Variants in PBX1 observed in about 807,000 individuals in gnomAD.
The protein encoded by PBX1 is PBX homeobox 1.
Under a neutral mutation model 53.4 loss-of-function variants are expected in PBX1, and 6 were observed. That is an observed-to-expected ratio of 0.11 (90% CI 0.06 to 0.22). PBX1 has a LOEUF of 0.22. Among genes scored for constraint, PBX1 ranks in the 10% least tolerant of loss-of-function variants. The probability of loss-of-function intolerance (pLI) is 1.00; values close to 1 mark genes in which losing one functional copy is unlikely to be tolerated. For missense variants in PBX1, 251 were observed against 551.4 expected (o/e 0.46, Z 5.46); for synonymous variants, 204 against 212.3 (o/e 0.96, Z 0.34).
intron 2 of PBX1, among the ~76,000 whole-genome samples, chr1:164,609,158 CT>C (rs927559725): frequency 6.6e-6 from 1 of 151,008 alleles, no homozygotes; most frequent in African/African-American, 2.4e-5. Context: ...CTTTTCTTTT[CT>C]TTTTTTTTAA....
chr1:164,642,283 G>A (rs1266039432), intron 2 of PBX1: 2 of 152,200 alleles, frequency 1.3e-5, no homozygotes, highest in African/African-American at 4.8e-5. Context: ...GTCCCAGCAA[G>A]TAGAAGTGTC....
At chr1:164,609,616 A>G (rs1440525754) in intron 2 of PBX1, among the ~76,000 whole-genome samples, 1 of 152,008 alleles carries the variant, frequency 6.6e-6, no homozygotes, top group Non-Finnish European at 1.5e-5. Context: ...GGCTTCTTCT[A>G]GAGTACTAGG....
intron 8 of PBX1, chr1:164,829,403 A>G (rs1398992920): frequency 6.6e-6 from 1 of 152,210 alleles, no homozygotes; most frequent in Admixed American, 6.5e-5. Context: ...TCCCAATATA[A>G]CTTTTTGCAT....
chr1:164,727,296 T>C (rs1234793120), intron 2 of PBX1, among the ~76,000 whole-genome samples: 6 of 152,228 alleles, frequency 3.9e-5, no homozygotes, highest in Non-Finnish European at 8.8e-5. Context: ...TTTTTGATTG[T>C]AAGATTCTAG....
Position 164,848,416 on chromosome 1 carries a change from T to C in PBX1, c.*1740T>C, listed in dbSNP as rs1671672106. On this transcript the variant is annotated 3_prime_UTR_variant, in exon 9 of 9. Transcript: ENST00000420696. ...AGAGTCTTGTGAGAGACTGAGAAGT[T>C]GATTTTGTTCATATCCAATCTGTAA... 9.5e-7 allele frequency: 1 copy of C among 1,055,686 alleles called. No individual in the cohort carries two copies. Among genetic ancestry groups the C allele is most frequent in the Admixed American group, 5.4e-5 (1 of 18,384 alleles). The allele number at this position is 1,055,686 out of a possible 1,614,324, so 65.4% of individuals were successfully genotyped here. A position where few individuals can be genotyped will look rare whatever the true frequency, so the allele number is the denominator to read the frequency against.
intron 3 of PBX1, among the ~76,000 whole-genome samples, chr1:164,794,589 C>T (rs1398121708): frequency 6.6e-6 from 1 of 152,162 alleles, no homozygotes; most frequent in Non-Finnish European, 1.5e-5. Context: ...TCCCCAGATC[C>T]CAGGCAATGC....
chr1:164,652,846 G>A (rs758599351), intron 2 of PBX1, among the ~76,000 whole-genome samples: 130 of 150,322 alleles, frequency 8.6e-4, no homozygotes, highest in Non-Finnish European at 1.4e-3. Context: ...CACCCCCACC[G>A]CCATAGTTTA....
intron 2 of PBX1, among the ~76,000 whole-genome samples, chr1:164,673,704 T>C (rs1661250717): frequency 6.6e-6 from 1 of 152,082 alleles, no homozygotes; most frequent in African/African-American, 2.4e-5. Flanking sequence ...ATTTTGACTT[T>C]GTAAATTCAG....
At chr1:164,820,939 G>T (rs761563984) in intron 7 of PBX1, among the ~76,000 whole-genome samples, 2 of 152,168 alleles carry the variant, frequency 1.3e-5, no homozygotes, top group Non-Finnish European at 2.9e-5. Context: ...AGCATTACAA[G>T]CCCGGAACAG....
chr1:164,735,749 G>A (rs1268740298), intron 2 of PBX1, among the ~76,000 whole-genome samples: 1 of 152,140 alleles, frequency 6.6e-6, no homozygotes, highest in Non-Finnish European at 1.5e-5. Context: ...ACATTCCGGG[G>A]TATCCTTCAA....
At chr1:164,767,289 G>A (rs1027197782) in intron 2 of PBX1, among the ~76,000 whole-genome samples, 5 of 152,132 alleles carry the variant, frequency 3.3e-5, no homozygotes, top group South Asian at 2.1e-4. Context: ...TCAAGATGGC[G>A]TCATCAGAGC....
intron 5 of PBX1, among the ~76,000 whole-genome samples, chr1:164,809,250 A>G (rs915317320): frequency 7.2e-5 from 11 of 152,160 alleles, no homozygotes; most frequent in Non-Finnish European, 1.5e-4. Context: ...GTATAGCTGG[A>G]TACAAGTTAA....
intron 2 of PBX1, among the ~76,000 whole-genome samples, chr1:164,644,402 A>G (rs1659328611): frequency 6.6e-6 from 1 of 152,176 alleles, no homozygotes; most frequent in Non-Finnish European, 1.5e-5. Flanking sequence ...AGCAGTCTAT[A>G]TTAGGAGGTG....
At chr1:164,647,863 G>A (rs1659555378) in intron 2 of PBX1, among the ~76,000 whole-genome samples, 2 of 150,790 alleles carry the variant, frequency 1.3e-5, no homozygotes, top group Admixed American at 1.3e-4. Context: ...CGCCCAGGCT[G>A]GAGTGCGGTG....
At chr1:164,796,128 A>C (rs971708081) in intron 3 of PBX1, among the ~76,000 whole-genome samples, 1 of 151,554 alleles carries the variant, frequency 6.6e-6, no homozygotes, top group Non-Finnish European at 1.5e-5. Context: ...TCCTGCCTCA[A>C]CCACCCAAGC....
intron 7 of PBX1, 64 bp downstream of exon 7, chr1:164,820,248 T>G (rs1670088247): frequency 1.1e-6 from 1 of 905,418 alleles, no homozygotes; most frequent in Non-Finnish European, 1.8e-6. Context: ...TCAGTTGTAT[T>G]GGACTTCCTG....
rs534839535 is a variant in PBX1, at chr1:164,686,829, C to T, written c.266-105665C>T. ...AAAATTAGCCGGGTGTGGTGGCGGG[C>T]GCCTGTAGTCCCAGCTACTCGGGAG... is the stretch of plus-strand genomic sequence containing the variant. On this transcript the variant is annotated intron_variant, in intron 2 of 8. Coordinates refer to ENST00000420696, the MANE Select transcript of PBX1 (RefSeq NM_002585.4). 4.6e-5 allele frequency among the ~76,000 whole-genome samples: 7 copies of T among 151,966 alleles called. No individual in the cohort carries two copies. In the East Asian group the frequency reaches 5.8e-4, roughly 13 times the overall value.
At chr1:164,807,133 T>TGTAATCCCA (rs1353589778) in intron 4 of PBX1, among the ~76,000 whole-genome samples, 2 of 152,114 alleles carry the variant, frequency 1.3e-5, no homozygotes, top group African/African-American at 2.4e-5. Flanking sequence ...GGCACGTGCC[T>TGTAATCCCA]GTAATCCCAG....
chr1:164,794,086 G>C (rs565905021), intron 3 of PBX1, among the ~76,000 whole-genome samples: 1 of 151,782 alleles, frequency 6.6e-6, no homozygotes, highest in African/African-American at 2.4e-5. Flanking sequence ...TGTTGGCCAG[G>C]CTGGTCTTGA....
Sources: allele counts gnomAD v4.1 joint callset (sites outside exome capture counted in the v4.1 genomes callset), GRCh38; gene constraint gnomAD v4.1.1; transcripts MANE v1.5; gene names NCBI Gene and HGNC (gene_info 2026-07-23, HGNC 2026-07-21).